Variants in AFMID observed in about 807,000 individuals in gnomAD.
AFMID encodes arylformamidase.
Under a neutral mutation model 47.5 loss-of-function variants are expected in AFMID, and 39 were observed. The observed-to-expected ratio is 0.82, with a 90% confidence interval of 0.64 to 1.07. The LOEUF is 1.07. Ranked by LOEUF, AFMID falls within the 50% of genes least tolerant of loss-of-function variation. The pLI is 0.00. For synonymous variants in AFMID, 130 were observed against 153.2 expected (o/e 0.85, Z 1.12); for missense variants, 375 against 387.5 (o/e 0.97, Z 0.27).
intron 1 of AFMID, among the ~76,000 whole-genome samples, chr17:78,190,215 C>G (rs11657432): frequency 2.0e-5 from 3 of 151,924 alleles, no homozygotes; most frequent in East Asian, 1.9e-4. Context: ...GGTGTTAGCC[C>G]GACATTCACC....
chr17:78,202,468 G>T, intron 2 of AFMID, 31 bp from the exon 3 acceptor site: 1 of 1,603,686 alleles, frequency 6.2e-7, no homozygotes, highest in Non-Finnish European at 8.5e-7. Context: ...CTGAGCTTGT[G>T]CTGACAGCGA....
rs532776856 is a variant in AFMID, at chr17:78,205,317, C to T, written c.566-123C>T. The T allele has an allele frequency of 4.4e-5, 63 of 1,429,928 alleles. No individual in the cohort carries two copies. In the African/African-American group the frequency reaches 6.7e-4, roughly 15 times the overall value. The allele number at this position is 1,429,928 out of a possible 1,614,324, so 88.6% of individuals were successfully genotyped here. ...ACCGCAGGGCTTCGAGCCCTCTGAG[C>T]AAGGCCTTCTCTGCCTCCTCTGTGC... On this transcript the variant is annotated intron_variant, in intron 7 of 10. Transcript: ENST00000409257.
At chr17:78,191,168 G>A (rs1598986804) in intron 2 of AFMID, 108 bp downstream of exon 2, 1 of 944,294 alleles carries the variant, frequency 1.1e-6, no homozygotes, top group Middle Eastern at 2.7e-4. Flanking sequence ...GGGCCTCGAG[G>A]GGCATTTCCC....
chr17:78,200,642 C>A (rs1242675232), intron 2 of AFMID, among the ~76,000 whole-genome samples: 1 of 152,118 alleles, frequency 6.6e-6, no homozygotes, highest in Non-Finnish European at 1.5e-5. Flanking sequence ...GTGACGTAGC[C>A]CCAGGCCTTG....
At chr17:78,202,399 A>C (rs1345080613) in intron 2 of AFMID, 100 bp from the exon 3 acceptor site, 6 of 1,206,870 alleles carry the variant, frequency 5.0e-6, no homozygotes, top group Non-Finnish European at 7.2e-6. Context: ...ACTGCACTCC[A>C]GCTTGGGCAA....
intron 6 of AFMID, 72 bp downstream of exon 6, chr17:78,204,972 G>T: frequency 6.3e-7 from 1 of 1,597,926 alleles, no homozygotes; most frequent in South Asian, 1.1e-5. Flanking sequence ...CAGTACCTAG[G>T]ATACAGCCAA....
intron 10 of AFMID, among the ~76,000 whole-genome samples, chr17:78,206,500 G>A (rs2076386293): frequency 6.6e-6 from 1 of 151,480 alleles, no homozygotes; most frequent in Non-Finnish European, 1.5e-5. Context: ...GCTGCCTCCT[G>A]GGCTCAAGTG....
At chr17:78,196,891 G>A (rs747576481) in intron 2 of AFMID, among the ~76,000 whole-genome samples, 1 of 152,252 alleles carries the variant, frequency 6.6e-6, no homozygotes, top group Non-Finnish European at 1.5e-5. Flanking sequence ...CTTGCCCTGG[G>A]GTTCAGGGAC....
chr17:78,190,216 G>A (rs1429081805), intron 1 of AFMID, among the ~76,000 whole-genome samples: 2 of 151,574 alleles, frequency 1.3e-5, no homozygotes, highest in Admixed American at 6.6e-5. Context: ...GTGTTAGCCC[G>A]ACATTCACCG....
At chr17:78,199,508 G>A (rs1440949951) in intron 2 of AFMID, among the ~76,000 whole-genome samples, 1 of 151,996 alleles carries the variant, frequency 6.6e-6, no homozygotes, top group Non-Finnish European at 1.5e-5. Context: ...CTGAGTAGCT[G>A]GGAGTACAGG....
At chr17:78,187,528 A>C in intron 1 of AFMID, 95 bp downstream of exon 1, 2 of 1,454,078 alleles carry the variant, frequency 1.4e-6, no homozygotes, top group Non-Finnish European at 1.9e-6. Context: ...AGCCGTCTAG[A>C]GCACTCCTGT....
At chr17:78,191,333 G>A (rs572916234) in intron 2 of AFMID, among the ~76,000 whole-genome samples, 18 of 152,282 alleles carry the variant, frequency 1.2e-4, no homozygotes, top group African/African-American at 2.4e-4. Flanking sequence ...ACCCAGGCCC[G>A]TAAGGCTGCG....
At chr17:78,192,563 C>G (rs1317581873) in intron 2 of AFMID, 7 of 464,290 alleles carry the variant, frequency 1.5e-5, no homozygotes, top group African/African-American at 1.0e-4. Flanking sequence ...ATCCACCTGC[C>G]TCGGCCTCCC....
At chr17:78,187,900 C>T (rs1016002809) in intron 1 of AFMID, among the ~76,000 whole-genome samples, 2 of 141,168 alleles carry the variant, frequency 1.4e-5, no homozygotes, top group African/African-American at 2.7e-5. Flanking sequence ...TGCAGTGAGC[C>T]GAGATCATGC....
chr17:78,202,315 G>C (rs941486981), intron 2 of AFMID, among the ~76,000 whole-genome samples, 184 bp from the exon 3 acceptor site: 1 of 151,976 alleles, frequency 6.6e-6, no homozygotes, highest in Admixed American at 6.6e-5. Context: ...TGTAGTCCCA[G>C]CTACTTGGGA....
chr17:78,187,657 T>G (rs1598978430), intron 1 of AFMID, among the ~76,000 whole-genome samples: 3 of 152,058 alleles, frequency 2.0e-5, no homozygotes, highest in Admixed American at 1.3e-4. Flanking sequence ...ATTGAAGTCC[T>G]GACTATGCTA....
Position 78,190,258 on chromosome 17 carries a change from C to T in AFMID, c.64-712C>T, listed in dbSNP as rs149771007. Among the ~76,000 whole-genome samples, 456 of 152,262 alleles carry T rather than the reference C, an allele frequency of 3.0e-3. 4 individuals carry two copies. The highest frequency in any genetic ancestry group is 0.01 in the African/African-American group (423 of 41,546). ...CTCCTCCAGCCCAGCCTCCCAGCCT[C>T]ACCTCTGTGTGTCAGCCATAGGGCC... On this transcript the variant is annotated intron_variant, in intron 1 of 10. Transcript: ENST00000409257.
chr17:78,199,306 C>A (rs2076189474), intron 2 of AFMID, among the ~76,000 whole-genome samples: 1 of 152,162 alleles, frequency 6.6e-6, no homozygotes, highest in Non-Finnish European at 1.5e-5. Flanking sequence ...GCTTTTTCTT[C>A]CTCTGCCGTG....
At chr17:78,189,219 CTTTTTTTTT>C (rs770863206) in intron 1 of AFMID, among the ~76,000 whole-genome samples, 2 of 122,750 alleles carry the variant, frequency 1.6e-5, no homozygotes, top group African/African-American at 6.4e-5. Context: ...TTCCTTGTTA[CTTTTTTTTT>C]TTTTTTTTTT....
Sources: allele counts gnomAD v4.1 joint callset (sites outside exome capture counted in the v4.1 genomes callset), GRCh38; gene constraint gnomAD v4.1.1; transcripts MANE v1.5; gene names NCBI Gene and HGNC (gene_info 2026-07-23, HGNC 2026-07-21).